Variants in OCA2 observed in about 807,000 individuals in gnomAD.
OCA2 encodes the protein P protein.
In OCA2, 77 loss-of-function variants were observed where a neutral mutation model predicts 100.2. The ratio of observed to expected loss-of-function variants is 0.77; its 90% CI spans 0.64 to 0.93. The LOEUF (loss-of-function observed/expected upper bound fraction) is 0.93, where lower values mean the gene tolerates loss of function less well. OCA2 is among the 40% of genes least tolerant of loss of function. OCA2 has a pLI of 0.00. For missense variants in OCA2, 1,062 were observed against 1,089.1 expected (o/e 0.98, Z 0.35); for synonymous variants, 432 against 439.2 (o/e 0.98, Z 0.21).
At chr15:27,929,367 G>T (rs1458246280) in intron 18 of OCA2, among the ~76,000 whole-genome samples, 1 of 152,218 alleles carries the variant, frequency 6.6e-6, no homozygotes, top group South Asian at 2.1e-4. Flanking sequence ...TTTTTGCAAA[G>T]ATTCAATGGT....
At chr15:27,890,381 G>A (rs1186704056) in intron 19 of OCA2, among the ~76,000 whole-genome samples, 2 of 152,214 alleles carry the variant, frequency 1.3e-5, no homozygotes, top group Non-Finnish European at 2.9e-5. Context: ...AGGATAACAC[G>A]ATGAACCCAA....
intron 2 of OCA2, among the ~76,000 whole-genome samples, chr15:28,033,365 AC>A (rs2042962417): frequency 3.3e-5 from 5 of 152,252 alleles, no homozygotes; most frequent in Admixed American, 3.3e-4. Flanking sequence ...CTTTCTGATC[AC>A]GAATGCACAA....
At chr15:27,909,092 G>A (rs2038287707) in intron 19 of OCA2, among the ~76,000 whole-genome samples, 1 of 151,960 alleles carries the variant, frequency 6.6e-6, no homozygotes, top group African/African-American at 2.4e-5. Flanking sequence ...AAAACCAATG[G>A]CCTCTATATA....
intron 1 of OCA2, among the ~76,000 whole-genome samples, chr15:28,082,853 T>C (rs193126978): frequency 1.7e-3 from 258 of 152,188 alleles, no homozygotes; most frequent in African/African-American, 5.8e-3. Flanking sequence ...ATACCTACAA[T>C]AAAAGTAAGA....
chr15:28,022,601 A>T, intron 5 of OCA2, 28 bp from the exon 6 acceptor site: 1 of 1,557,306 alleles, frequency 6.4e-7, no homozygotes, highest in Non-Finnish European at 8.9e-7. Flanking sequence ...GTTGAATGAC[A>T]GAGGTGTGGT....
chr15:27,991,951 GA>G (rs1452959828), intron 9 of OCA2, among the ~76,000 whole-genome samples: 3 of 152,084 alleles, frequency 2.0e-5, no homozygotes, highest in Non-Finnish European at 4.4e-5. Flanking sequence ...TCATTTTCAG[GA>G]AATGTGATAC....
intron 9 of OCA2, among the ~76,000 whole-genome samples, chr15:27,999,354 G>A (rs1442912241): frequency 6.6e-6 from 1 of 151,908 alleles, no homozygotes; most frequent in East Asian, 1.9e-4. Flanking sequence ...ACAGAATGAA[G>A]GATAAAAATC....
At chr15:27,878,132 T>C (rs554581295) in intron 19 of OCA2, among the ~76,000 whole-genome samples, 1 of 152,036 alleles carries the variant, frequency 6.6e-6, no homozygotes, top group Admixed American at 6.6e-5. Flanking sequence ...TAGGTCACTT[T>C]ACCTCTCCCC....
intron 15 of OCA2, among the ~76,000 whole-genome samples, chr15:27,966,162 G>A (rs1047309838): frequency 6.6e-6 from 1 of 152,118 alleles, no homozygotes; most frequent in African/African-American, 2.4e-5. Flanking sequence ...GTAGAGACGG[G>A]GTTTCACCAT....
At chr15:27,753,868 G>A (rs145206163), downstream of OCA2, among the ~76,000 whole-genome samples, 11 of 152,252 alleles carry the variant, frequency 7.2e-5, 1 homozygote, top group Non-Finnish European at 1.5e-4. Flanking sequence ...AGGGGATGAC[G>A]TGTTAAAGGA....
intron 19 of OCA2, among the ~76,000 whole-genome samples, chr15:27,913,899 G>GAAAGAAAGAAAGAA (rs1567098702): frequency 9.1e-5 from 3 of 32,826 alleles, no homozygotes; most frequent in African/African-American, 1.6e-4. Context: ...AAGAAAGCAA[G>GAAAGAAAGAAAGAA]CAAGCAAGCA....
intron 23 of OCA2, among the ~76,000 whole-genome samples, chr15:27,835,732 C>T (rs541961551): frequency 1.5e-4 from 23 of 152,308 alleles, no homozygotes; most frequent in African/African-American, 5.5e-4. Context: ...GGCCTCTCAT[C>T]ATCACCCCCG....
chr15:27,724,503 G>A, the OCA2 span, among the ~76,000 whole-genome samples: 1 of 152,108 alleles, frequency 6.6e-6, no homozygotes, highest in South Asian at 2.1e-4. Context: ...TCCAAATACT[G>A]TCCCTTTGTG....
At chr15:27,844,148 G>A (rs28565430) in intron 23 of OCA2, among the ~76,000 whole-genome samples, 4,289 of 152,248 alleles carry the variant, frequency 0.028, 65 homozygotes, top group Non-Finnish European at 0.032. Flanking sequence ...GGGCCCCAGC[G>A]CGGACTCAGC....
chr15:27,966,190 C>T (rs370577416), intron 15 of OCA2, among the ~76,000 whole-genome samples: 9 of 152,138 alleles, frequency 5.9e-5, no homozygotes, highest in African/African-American at 1.7e-4. Flanking sequence ...AGGCTGGAGT[C>T]GAACTCCTGA....
rs546001122 is a variant in OCA2 at position 27,761,132 on chromosome 15, TTCTC to T, written c.2433-5664_2433-5661del. Among the ~76,000 whole-genome samples the T allele has an allele frequency of 1.0e-3, 158 of 151,842 alleles. 3 individuals carry two copies. Among genetic ancestry groups the T allele is most frequent in the African/African-American group, 3.2e-3 (131 of 41,428 alleles). ...ATAGACTAAAATAGATGAAATAAAA[TTCTC>T]TCTATCTGCAGATGACATGATAGCT... On this transcript the variant is annotated intron_variant, in intron 23 of 23. Coordinates refer to ENST00000354638, the MANE Select transcript of OCA2 (RefSeq NM_000275.3).
intron 19 of OCA2, among the ~76,000 whole-genome samples, chr15:27,904,896 G>A (rs2038110740): frequency 2.0e-5 from 3 of 152,190 alleles, no homozygotes; most frequent in Admixed American, 2.0e-4. Flanking sequence ...GGGCATGGTG[G>A]TTCATGCCTG....
intron 23 of OCA2, among the ~76,000 whole-genome samples, chr15:27,841,074 C>T (rs2035324217): frequency 6.6e-6 from 1 of 152,182 alleles, no homozygotes; most frequent in Non-Finnish European, 1.5e-5. Flanking sequence ...AGGTGTTCTT[C>T]AGTGAGGAGA....
chr15:27,858,735 T>C (rs1215588707), intron 21 of OCA2, among the ~76,000 whole-genome samples: 1 of 152,032 alleles, frequency 6.6e-6, no homozygotes, highest in African/African-American at 2.4e-5. Context: ...GAAGGAGAAA[T>C]AGATATTTCT....
Sources: allele counts gnomAD v4.1 joint callset (sites outside exome capture counted in the v4.1 genomes callset), GRCh38; gene constraint gnomAD v4.1.1; transcripts MANE v1.5; gene names NCBI Gene and HGNC (gene_info 2026-07-23, HGNC 2026-07-21).